GUF1: variants seen among roughly 807,000 people sequenced by gnomAD.
GUF1 encodes GTP binding elongation factor GUF1.
A neutral mutation model predicts 82.4 loss-of-function variants in GUF1; 78 were observed. That is an observed-to-expected ratio of 0.95 (90% CI 0.79 to 1.14). GUF1 has a LOEUF of 1.14. Among genes scored for constraint, GUF1 ranks in the 50% most tolerant of loss-of-function variants. The probability of loss-of-function intolerance (pLI) is 0.00; values close to 1 mark genes in which losing one functional copy is unlikely to be tolerated. For missense variants in GUF1, 814 were observed against 798.2 expected (o/e 1.02, Z -0.24); for synonymous variants, 279 against 282.3 (o/e 0.99, Z 0.12).
rs767862235 is a variant in GUF1, at chr4:44,686,661, G to A, written c.886G>A (p.Glu296Lys). ...ATCTGCACATACTCAAAAGACATACGAAGTTAATGAAGTAGGAGTCTTGAA... is the reference window on the plus strand; with the variant it reads ...ATCTGCACATACTCAAAAGACATACAAAGTTAATGAAGTAGGAGTCTTGAA... ...IVSAHTQKTY[E>K]VNEVGVLNPN... is the part of the protein sequence containing the mutation. The change falls in exon 8 of 17, where the codon GAA becomes AAA. Residue 296 changes from glutamate (E) to lysine (K), a missense_variant. By Grantham distance (56) the Glu-to-Lys change is moderately conservative. Transcript: ENST00000281543. 6.2e-6 allele frequency: 10 copies of A among 1,611,404 alleles called. No homozygotes were observed. The highest frequency in any genetic ancestry group is 8.5e-6 in the Non-Finnish European group (10 of 1,178,140).
rs764719180 is a variant in GUF1, at chr4:44,690,758, A to G, written c.1377A>G (p.Gln459=). 1.1e-5 allele frequency: 18 copies of G among 1,595,554 alleles called. No individual in the cohort carries two copies. In the Admixed American group the frequency reaches 2.8e-4, roughly 25 times the overall value. Reference sequence around the variant, plus strand: ...AAATTACAATTATCAATCCTGCACAATTCCCCGATAAATCAAAAGTAACAG... The same window carrying G: ...AAATTACAATTATCAATCCTGCACAGTTCCCCGATAAATCAAAAGTAACAG... ...EKEITIINPA[Q]FPDKSKVTEY... Residue 459 remains glutamine, a synonymous_variant, in exon 12 of 17, where the codon CAA becomes CAG. Coordinates refer to ENST00000281543, the MANE Select transcript of GUF1 (RefSeq NM_021927.3).
Position 44,686,536 on chromosome 4 carries a change from T to C in GUF1, c.761T>C (p.Leu254Pro), listed in dbSNP as rs759375424. The C allele has an allele frequency of 6.2e-6, 10 of 1,611,724 alleles. No homozygotes were observed. Among genetic ancestry groups the C allele is most frequent in the Non-Finnish European group, 7.6e-6 (9 of 1,178,336 alleles). The change falls in exon 8 of 17, where the codon CTG becomes CCG. Residue 254 changes from leucine (L) to proline (P), a missense_variant. Coordinates refer to ENST00000281543, the MANE Select transcript of GUF1 (RefSeq NM_021927.3). ...PPPKVHRKNP[L>P]RALVFDSTFD... The stretch of plus-strand genomic sequence containing the variant: ...CCTAAAGTGCATCGCAAAAATCCTC[T>C]GAGAGCTTTGGTATTTGACTCCACC...
At chr4:44,681,048 T>C (rs1253915067) in intron 3 of GUF1, 75 bp from the exon 4 acceptor site, 1 of 1,311,714 alleles carries the variant, frequency 7.6e-7, no homozygotes, top group East Asian at 2.3e-5. Context: ...TCAAGTAAAG[T>C]CAATAAATTT....
At chr4:44,687,363 A>G (rs1715120284) in intron 8 of GUF1, among the ~76,000 whole-genome samples, 1 of 151,326 alleles carries the variant, frequency 6.6e-6, no homozygotes, top group Non-Finnish European at 1.5e-5. Context: ...AAACAGCACT[A>G]TATTGAGTCA....
At chr4:44,698,171 C>T (rs1472896857) in intron 16 of GUF1, among the ~76,000 whole-genome samples, 8 of 151,934 alleles carry the variant, frequency 5.3e-5, no homozygotes, top group Admixed American at 5.3e-4. Context: ...TCTTAAATAT[C>T]GTGAGAGTTG....
Position 44,686,675 on chromosome 4 carries a change from A to G in GUF1, c.900A>G (p.Val300=), listed in dbSNP as rs546569887. Residue 300 remains valine (V), a synonymous_variant, in exon 8 of 17, where the codon GTA becomes GTG. Transcript: ENST00000281543. ...HTQKTYEVNE[V]GVLNPNEQPT... ...AAAAGACATACGAAGTTAATGAAGTAGGAGTCTTGAATCCTAATGAGCAGC... is the reference window on the plus strand; with the variant it reads ...AAAAGACATACGAAGTTAATGAAGTGGGAGTCTTGAATCCTAATGAGCAGC... The G allele has an allele frequency of 3.1e-6, 5 of 1,611,582 alleles. No individual in the cohort carries two copies. The South Asian group carries it at 4.4e-5, about 14-fold the overall frequency.
Position 44,686,547 on chromosome 4 carries a change from G to GT in GUF1, c.773dup (p.Phe259IlefsTer2). ...TCGCAAAAATCCTCTGAGAGCTTTGGTATTTGACTCCACCTTTGACCAGTA... is the reference window on the plus strand; with the variant it reads ...TCGCAAAAATCCTCTGAGAGCTTTGGTTATTTGACTCCACCTTTGACCAGTA... On this transcript the variant is annotated frameshift_variant, in exon 8 of 17. Transcript: ENST00000281543. LOFTEE classifies it high-confidence loss of function. The GT allele has an allele frequency of 1.2e-6, 2 of 1,611,928 alleles. No individual in the cohort carries two copies. Among genetic ancestry groups the GT allele is most frequent in the Non-Finnish European group, 1.7e-6 (2 of 1,178,590 alleles).
intron 5 of GUF1, among the ~76,000 whole-genome samples, 187 bp from the exon 6 acceptor site, chr4:44,683,046 TTC>T (rs1190198410): frequency 2.0e-5 from 3 of 152,156 alleles, no homozygotes; most frequent in Non-Finnish European, 2.9e-5. Context: ...GCTACTTAAC[TTC>T]TCTTTTTCAA....
In GUF1 at chr4:44,678,672, C is replaced by G. The variant is rs374550537; in HGVS notation, c.50C>G (p.Pro17Arg). 1 of 1,493,796 alleles carries G rather than the reference C, an allele frequency of 6.7e-7. No homozygotes were observed. Among genetic ancestry groups the G allele is most frequent in the African/African-American group, 1.5e-5 (1 of 67,460 alleles). 92.5% of individuals were successfully genotyped at this position (1,493,796 alleles called of 1,614,324 possible). A position where few individuals can be genotyped will look rare whatever the true frequency, so the allele number is the denominator to read the frequency against. ...RGWGCARALA[P>R]RATGAALLVA... is the part of the protein sequence containing the mutation. ...TGGGGGTGCGCACGCGCTCTCGCGC[C>G]ACGAGCCACTGGGGCCGCGCTTCTG... Residue 17 changes from proline to arginine, a missense_variant, in exon 1 of 17, where the codon CCA (proline) becomes CGA (arginine). By Grantham distance (103) the Pro-to-Arg change is moderately radical. Transcript: ENST00000281543.
At chr4:44,690,926 C>T in intron 12 of GUF1, 66 bp downstream of exon 12, 1 of 1,226,864 alleles carries the variant, frequency 8.2e-7, no homozygotes, top group Non-Finnish European at 1.1e-6. Context: ...ATTTCCAACT[C>T]AGGTTTTAAA....
intron 12 of GUF1, among the ~76,000 whole-genome samples, chr4:44,691,301 T>C (rs185536375): frequency 2.0e-3 from 298 of 151,852 alleles, no homozygotes; most frequent in Non-Finnish European, 3.8e-3. Flanking sequence ...CTCTGATACA[T>C]ATTGGAAAGT....
chr4:44,696,032 A>G, intron 15 of GUF1, among the ~76,000 whole-genome samples: 1 of 152,102 alleles, frequency 6.6e-6, no homozygotes, highest in East Asian at 1.9e-4. Context: ...AATTTCTTTT[A>G]TGGTTTTATC....
At position 44,698,786 on chromosome 4, in the gene GUF1, A is replaced by C; in HGVS notation, c.*105A>C. Reference sequence around the variant, plus strand: ...CTTTCAGGGTATTCAGGTTCAAATAACCTACTAGTCTTTCGTTGAAAGGGA... The same window carrying C: ...CTTTCAGGGTATTCAGGTTCAAATACCCTACTAGTCTTTCGTTGAAAGGGA... On this transcript the variant is annotated 3_prime_UTR_variant, in exon 17 of 17. Coordinates refer to ENST00000281543, the MANE Select transcript of GUF1 (RefSeq NM_021927.3). The C allele has an allele frequency of 1.0e-6, 1 of 1,002,156 alleles. No individual in the cohort carries two copies. Among genetic ancestry groups the C allele is most frequent in the Non-Finnish European group, 1.5e-6 (1 of 687,192 alleles). The allele number at this position is 1,002,156 out of a possible 1,614,324, so 62.1% of individuals were successfully genotyped here.
intron 3 of GUF1, 67 bp downstream of exon 3, chr4:44,680,909 C>T: frequency 7.2e-7 from 1 of 1,379,358 alleles, no homozygotes; most frequent in Non-Finnish European, 1.0e-6. Flanking sequence ...CAAACAGATC[C>T]TTGTTTAATT....
chr4:44,687,224 TC>T (rs1715110269), intron 8 of GUF1, among the ~76,000 whole-genome samples: 19 of 151,962 alleles, frequency 1.3e-4, no homozygotes, highest in Admixed American at 5.9e-4. Context: ...CTACTCCGTA[TC>T]AGGTACTGAT....
rs930474268 is a variant in GUF1, at chr4:44,698,962, AGTT to A, written c.*290_*292del. On this transcript the variant is annotated 3_prime_UTR_variant, in exon 17 of 17. Coordinates refer to ENST00000281543, the MANE Select transcript of GUF1 (RefSeq NM_021927.3). ...TCGAGATTATACTACTACCTACATA[AGTT>A]GTTGTTGTGAAGATTAAATGAGGTA... The A allele has an allele frequency of 2.4e-4, 64 of 271,388 alleles. No individual in the cohort carries two copies. In the Middle Eastern group the frequency reaches 3.5e-3, roughly 15 times the overall value. 16.8% of individuals were successfully genotyped at this position (271,388 alleles called of 1,614,324 possible).
intron 6 of GUF1, among the ~76,000 whole-genome samples, chr4:44,684,352 T>C (rs887133309): frequency 1.3e-5 from 2 of 152,086 alleles, no homozygotes; most frequent in Non-Finnish European, 2.9e-5. Context: ...GAAAAGAGCA[T>C]GTGTAAAGGA....
At chr4:44,689,760 A>C in intron 10 of GUF1, 83 bp from the exon 11 acceptor site, 3 of 1,165,112 alleles carry the variant, frequency 2.6e-6, no homozygotes, top group Non-Finnish European at 3.5e-6. Flanking sequence ...CCCTCCCTTA[A>C]AGTAACAATA....
intron 15 of GUF1, among the ~76,000 whole-genome samples, chr4:44,696,448 G>T (rs1715834263): frequency 6.6e-6 from 1 of 152,060 alleles, no homozygotes; most frequent in African/African-American, 2.4e-5. Context: ...TAACAATGAA[G>T]AACACTGAAT....
Sources: gnomAD v4.1 joint callset for allele counts (sites outside exome capture counted in the v4.1 genomes callset) on GRCh38, gnomAD v4.1.1 for gene constraint, MANE v1.5 for transcripts, NCBI Gene and HGNC (gene_info 2026-07-23, HGNC 2026-07-21) for gene names.